HIPK2: variants seen among roughly 807,000 people sequenced by gnomAD.
The protein encoded by HIPK2 is homeodomain-interacting protein kinase 2.
A neutral mutation model predicts 113.7 loss-of-function variants in HIPK2; 27 were observed. The observed-to-expected ratio is 0.24, with a 90% CI of 0.17 to 0.33. The LOEUF is 0.33. HIPK2 is among the 10% of genes least tolerant of loss of function. HIPK2 has a pLI of 1.00. For synonymous variants in HIPK2, 631 were observed against 642.2 expected (o/e 0.98, Z 0.26); for missense variants, 1,257 against 1,588.0 (o/e 0.79, Z 3.54).
rs888666427 is a variant in HIPK2, at chr7:139,777,805, GCGCCGCCGC to G, written c.-191_-183del. The G allele has an allele frequency of 2.4e-3, 921 of 382,174 alleles. 4 individuals carry two copies. The highest frequency in any genetic ancestry group is 0.019 in the African/African-American group (855 of 44,176). The allele number at this position is 382,174 out of a possible 1,614,324, so 23.7% of individuals were successfully genotyped here. The stretch of plus-strand genomic sequence containing the variant: ...CCGGCGCCGGGGGAGGGGGCCGGGC[GCGCCGCCGC>G]CGCCGCCGCCGCCGCTGCCGCCCGG... On this transcript the variant is annotated 5_prime_UTR_variant, in exon 1 of 15. Transcript: ENST00000406875.
chr7:139,640,821 G>A (rs1315455150), intron 2 of HIPK2, among the ~76,000 whole-genome samples: 1 of 151,964 alleles, frequency 6.6e-6, no homozygotes, highest in Non-Finnish European at 1.5e-5. Flanking sequence ...TCACCATGTT[G>A]CCCAGGCTCT....
chr7:139,752,678 C>A (rs1029178996), intron 1 of HIPK2, among the ~76,000 whole-genome samples: 1 of 151,134 alleles, frequency 6.6e-6, no homozygotes, highest in Non-Finnish European at 1.5e-5. Context: ...CTATTTCTCA[C>A]TGACCCATAT....
intron 1 of HIPK2, among the ~76,000 whole-genome samples, chr7:139,718,930 G>C (rs1795324793): frequency 6.6e-6 from 1 of 151,998 alleles, no homozygotes; most frequent in Non-Finnish European, 1.5e-5. Context: ...TGCACTATAG[G>C]CTCCTGTTCT....
At chr7:139,593,888 C>A (rs987099520) in intron 12 of HIPK2, among the ~76,000 whole-genome samples, 1 of 152,168 alleles carries the variant, frequency 6.6e-6, no homozygotes, top group Non-Finnish European at 1.5e-5. Context: ...GACCAGGTGA[C>A]CCCTCCATGT....
chr7:139,693,598 T>G (rs1039998167), intron 2 of HIPK2, among the ~76,000 whole-genome samples: 4 of 152,186 alleles, frequency 2.6e-5, no homozygotes, highest in Non-Finnish European at 2.9e-5. Flanking sequence ...AAAGATTAAA[T>G]GTAGGCCTCT....
chr7:139,633,655 A>AT (rs1397490465), intron 2 of HIPK2, among the ~76,000 whole-genome samples: 2 of 150,386 alleles, frequency 1.3e-5, no homozygotes, highest in Non-Finnish European at 3.0e-5. Context: ...CTTAAAAAAA[A>AT]AAAAAGGGGT....
At chr7:139,711,646 G>GT (rs1043190733) in intron 2 of HIPK2, among the ~76,000 whole-genome samples, 3 of 151,540 alleles carry the variant, frequency 2.0e-5, no homozygotes, top group African/African-American at 7.3e-5. Context: ...TTTTGTTTGT[G>GT]TTTTTTTCTG....
chr7:139,669,126 T>C (rs1802169081), intron 2 of HIPK2, among the ~76,000 whole-genome samples: 1 of 152,218 alleles, frequency 6.6e-6, no homozygotes, highest in Non-Finnish European at 1.5e-5. Context: ...AACTACATTC[T>C]AAAAACTGAG....
chr7:139,706,999 C>T (rs547390934), intron 2 of HIPK2, among the ~76,000 whole-genome samples: 78 of 152,308 alleles, frequency 5.1e-4, no homozygotes, highest in African/African-American at 1.9e-3. Context: ...CCAAGCAAAG[C>T]CACAGGGGAG....
chr7:139,631,694 A>G lies in HIPK2; in HGVS notation c.1135T>C (p.Cys379Arg). ...AGGGACCACATGTCAATTGCCTCAC[A>G]AAATGGTAAACCAAGGATGATCTCA... is the stretch of plus-strand genomic sequence containing the variant. ...APEIILGLPF[C>R]EAIDMWSLGC... Residue 379 changes from cysteine (C) to arginine (R), a missense_variant, in exon 3 of 15, where the codon TGT becomes CGT. By Grantham distance (180) the Cys-to-Arg change is radical. This residue lies in a region of HIPK2 where 84 missense variants were observed against 182.2 expected (regional missense o/e 0.46). Transcript: ENST00000406875. The surrounding 1 kb of genome is among the most constrained non-coding windows in gnomAD (Gnocchi z 4.9). 6.2e-7 allele frequency: 1 copy of G among 1,614,028 alleles called. No individual in the cohort carries two copies. The highest frequency in any genetic ancestry group is 8.5e-7 in the Non-Finnish European group (1 of 1,179,858).
intron 12 of HIPK2, among the ~76,000 whole-genome samples, chr7:139,588,703 A>C (rs1213763508): frequency 6.6e-6 from 1 of 152,128 alleles, no homozygotes; most frequent in Non-Finnish European, 1.5e-5. Flanking sequence ...GCAGGAGGGA[A>C]GGAGAGCTGC....
chr7:139,643,152 T>C (rs978020249), intron 2 of HIPK2, among the ~76,000 whole-genome samples: 8 of 152,102 alleles, frequency 5.3e-5, no homozygotes, highest in Admixed American at 5.2e-4. Flanking sequence ...CTATCACCAA[T>C]ACAAGTGCTG....
chr7:139,774,261 A>G (rs1796702252), intron 1 of HIPK2, among the ~76,000 whole-genome samples: 1 of 152,248 alleles, frequency 6.6e-6, no homozygotes, highest in Admixed American at 6.5e-5. Flanking sequence ...TACTACAGCC[A>G]GGGACTTTAC....
chr7:139,762,888 G>T (rs1158545509), intron 1 of HIPK2, among the ~76,000 whole-genome samples: 1 of 152,226 alleles, frequency 6.6e-6, no homozygotes, highest in East Asian at 1.9e-4. Context: ...CATGAAAATT[G>T]TTAAGTGTCA....
chr7:139,725,070 T>TA (rs1354908641), intron 1 of HIPK2, among the ~76,000 whole-genome samples: 1 of 151,810 alleles, frequency 6.6e-6, no homozygotes, highest in East Asian at 1.9e-4. Flanking sequence ...GTCCTCTACA[T>TA]AAAAAAAGAT....
Position 139,571,076 on chromosome 7 carries a change from C to T in HIPK2, c.*1851G>A, listed in dbSNP as rs1262761681. The T allele has an allele frequency of 1.3e-5, 2 of 152,264 alleles. No homozygotes were observed. Among genetic ancestry groups the T allele is most frequent in the Non-Finnish European group, 2.9e-5 (2 of 68,068 alleles). The allele number at this position is 152,264 out of a possible 1,614,324, so 9.4% of individuals were successfully genotyped here. A position where few individuals can be genotyped will look rare whatever the true frequency, so the allele number is the denominator to read the frequency against. ...TTTTCCAAAGTGCAGCGTCAGACCC[C>T]CGGCCACCCTCATAAGTGTCCCTCC... On this transcript the variant is annotated 3_prime_UTR_variant, in exon 15 of 15. Transcript: ENST00000406875.
At chr7:139,735,721 C>T (rs547077869) in intron 1 of HIPK2, among the ~76,000 whole-genome samples, 149 of 152,278 alleles carry the variant, frequency 9.8e-4, no homozygotes, top group African/African-American at 3.4e-3. Flanking sequence ...AGTCAGCGAC[C>T]CCTTTACACA....
intron 1 of HIPK2, among the ~76,000 whole-genome samples, chr7:139,720,782 C>T (rs949636047): frequency 2.1e-4 from 32 of 152,238 alleles, no homozygotes; most frequent in Non-Finnish European, 3.5e-4. Flanking sequence ...TTTAAGTACC[C>T]GGAAGGGGGC....
At chr7:139,681,061 C>T (rs1312660163) in intron 2 of HIPK2, among the ~76,000 whole-genome samples, 1 of 152,206 alleles carries the variant, frequency 6.6e-6, no homozygotes, top group African/African-American at 2.4e-5. Flanking sequence ...ATTTTGGGTA[C>T]ACTTTACACT....
Sources: gnomAD v4.1 joint callset for allele counts (sites outside exome capture counted in the v4.1 genomes callset) on GRCh38, gnomAD v4.1.1 for gene constraint, gnomAD v4.1.1 regional missense constraint, Gnocchi (gnomAD v3.1) non-coding constraint, MANE v1.5 for transcripts, NCBI Gene and HGNC (gene_info 2026-07-23, HGNC 2026-07-21) for gene names.